Variants in CAMK1D observed in about 807,000 individuals in gnomAD.
The protein encoded by CAMK1D is calcium/calmodulin dependent protein kinase ID, also known as calcium/calmodulin-dependent protein kinase type 1D.
A neutral mutation model predicts 47.7 loss-of-function variants in CAMK1D; 9 were observed. That is an observed-to-expected ratio of 0.19 (90% CI 0.11 to 0.33). The LOEUF (loss-of-function observed/expected upper bound fraction) is 0.33. CAMK1D is among the 10% of genes least tolerant of loss of function. The pLI, the probability that CAMK1D is intolerant of heterozygous loss-of-function variation, is 1.00. For synonymous variants in CAMK1D, 184 were observed against 184.9 expected (o/e 0.99, Z 0.04); for missense variants, 291 against 488.7 (o/e 0.60, Z 3.81).
rs542434085 is a variant in CAMK1D, at chr10:12,746,363, C to CA, written c.300-14569dup. ...TGGGCGACAGAGCAAGACTCCGTCT[C>CA]AAAAAAAAAAAAAAAAGTTAGTGAA... is the stretch of plus-strand genomic sequence containing the variant. On this transcript the variant is annotated intron_variant, in intron 3 of 10. Transcript: ENST00000619168. 3.2e-3 allele frequency among the ~76,000 whole-genome samples: 280 copies of CA among 86,720 alleles called. 9 individuals are homozygous for CA. Among genetic ancestry groups the CA allele is most frequent in the African/African-American group, 5.0e-3 (101 of 20,232 alleles). The allele number at this position is 86,720 out of a possible 152,430, so 56.9% of individuals were successfully genotyped here.
intron 1 of CAMK1D, among the ~76,000 whole-genome samples, chr10:12,504,885 C>T (rs1834823125): frequency 6.6e-6 from 1 of 152,186 alleles, no homozygotes; most frequent in Non-Finnish European, 1.5e-5. Flanking sequence ...CTTTCTTGCC[C>T]CCTATGATGC....
intron 2 of CAMK1D, among the ~76,000 whole-genome samples, chr10:12,570,883 G>A (rs1238164681): frequency 6.6e-6 from 1 of 152,008 alleles, no homozygotes; most frequent in African/African-American, 2.4e-5. Flanking sequence ...ACCCAGAGGC[G>A]GAGGTTGTAG....
intron 1 of CAMK1D, among the ~76,000 whole-genome samples, chr10:12,437,317 A>T (rs1832665189): frequency 6.6e-6 from 1 of 151,860 alleles, no homozygotes; most frequent in African/African-American, 2.4e-5. Flanking sequence ...TCAGTTTCCC[A>T]AGTAGCTGGG....
intron 1 of CAMK1D, among the ~76,000 whole-genome samples, chr10:12,477,049 G>A (rs1192661193): frequency 1.3e-5 from 2 of 152,174 alleles, no homozygotes; most frequent in African/African-American, 2.4e-5. Context: ...TGGACCTGAA[G>A]CTTGAGGGAT....
At chr10:12,633,677 C>G (rs1408202266) in intron 2 of CAMK1D, among the ~76,000 whole-genome samples, 1 of 152,194 alleles carries the variant, frequency 6.6e-6, no homozygotes, top group Non-Finnish European at 1.5e-5. Flanking sequence ...CCACCTCTGC[C>G]TCCCCAGTAG....
chr10:12,782,326 A>G (rs1028531363), intron 5 of CAMK1D, among the ~76,000 whole-genome samples: 3 of 152,330 alleles, frequency 2.0e-5, no homozygotes, highest in Non-Finnish European at 4.4e-5. Context: ...AAATTCTGCT[A>G]CTGACAGGAA....
intron 1 of CAMK1D, among the ~76,000 whole-genome samples, chr10:12,536,862 A>G (rs1835988515): frequency 1.3e-5 from 2 of 152,020 alleles, no homozygotes; most frequent in Admixed American, 1.3e-4. Context: ...TTAAACTGCT[A>G]CAGAGTATTC....
At chr10:12,617,081 A>T (rs1224740083) in intron 2 of CAMK1D, among the ~76,000 whole-genome samples, 1 of 152,178 alleles carries the variant, frequency 6.6e-6, no homozygotes, top group African/African-American at 2.4e-5. Context: ...ACTTCTCGTA[A>T]GCAAGGTGAG....
In CAMK1D at chr10:12,519,399, C is replaced by T. The variant is rs1158651345; in HGVS notation, c.93-33826C>T. Among the ~76,000 whole-genome samples, 57 of 13,892 alleles carry T rather than the reference C, an allele frequency of 4.1e-3. 21 individuals are homozygous for T. Among genetic ancestry groups the T allele is most frequent in the Non-Finnish European group, 7.7e-3 (49 of 6,364 alleles). The allele number at this position is 13,892 out of a possible 152,430, so 9.1% of individuals were successfully genotyped here. On this transcript the variant is annotated intron_variant, in intron 1 of 10. Transcript: ENST00000619168. ...GGACGGGGCGGCTGGCCGACCCCCCCCCCCCCGCCTCCCTCCCGGACGGGG... is the reference window on the plus strand; with the variant it reads ...GGACGGGGCGGCTGGCCGACCCCCCTCCCCCCGCCTCCCTCCCGGACGGGG...
At chr10:12,393,933 A>G (rs1838842039) in intron 1 of CAMK1D, among the ~76,000 whole-genome samples, 1 of 152,102 alleles carries the variant, frequency 6.6e-6, no homozygotes, top group African/African-American at 2.4e-5. Context: ...CCTAGAATTC[A>G]CCTGTGACAC....
At chr10:12,515,945 C>G (rs141289383) in intron 1 of CAMK1D, among the ~76,000 whole-genome samples, 11 of 151,792 alleles carry the variant, frequency 7.2e-5, no homozygotes, top group African/African-American at 2.4e-4. Flanking sequence ...ATACTCTTAA[C>G]AGTATACAGC....
intron 3 of CAMK1D, among the ~76,000 whole-genome samples, chr10:12,689,418 T>C (rs1210153085): frequency 1.3e-5 from 2 of 152,228 alleles, no homozygotes; most frequent in African/African-American, 4.8e-5. Context: ...TTAAAATGCA[T>C]TTGAACAGAA....
At chr10:12,553,444 CG>C in intron 2 of CAMK1D, 88 bp downstream of exon 2, 1 of 1,161,354 alleles carries the variant, frequency 8.6e-7, no homozygotes, top group Non-Finnish European at 1.3e-6. Flanking sequence ...AGACTTTCCC[CG>C]GGGGCAGAGG....
chr10:12,655,056 G>A (rs751909788), intron 2 of CAMK1D, among the ~76,000 whole-genome samples: 10 of 152,148 alleles, frequency 6.6e-5, no homozygotes, highest in African/African-American at 1.4e-4. Flanking sequence ...GGATTAGGCC[G>A]TTCCTGCATT....
At chr10:12,365,910 G>T (rs532599676) in intron 1 of CAMK1D, among the ~76,000 whole-genome samples, 1 of 152,172 alleles carries the variant, frequency 6.6e-6, no homozygotes, top group Non-Finnish European at 1.5e-5. Context: ...AAAAAAATTA[G>T]CTGGGCGTGG....
intron 1 of CAMK1D, among the ~76,000 whole-genome samples, chr10:12,485,056 C>T (rs1040870040): frequency 6.6e-5 from 10 of 152,160 alleles, no homozygotes; most frequent in African/African-American, 2.4e-4. Context: ...AGGAGGCTTT[C>T]GGGAAGGAAA....
intron 1 of CAMK1D, among the ~76,000 whole-genome samples, chr10:12,368,264 C>T (rs1837906563): frequency 6.6e-6 from 1 of 151,972 alleles, no homozygotes; most frequent in Non-Finnish European, 1.5e-5. Flanking sequence ...CCTGTACTCC[C>T]AGCTACTTGG....
chr10:12,560,653 T>C (rs1366821176), intron 2 of CAMK1D, among the ~76,000 whole-genome samples: 1 of 151,984 alleles, frequency 6.6e-6, no homozygotes, highest in Non-Finnish European at 1.5e-5. Context: ...ATGGCTAAGC[T>C]GGTAAAGCTA....
At position 12,771,162 on chromosome 10, in the gene CAMK1D, T is replaced by G. The variant is rs532675942; in HGVS notation, c.565+1363T>G. 2.7e-4 allele frequency among the ~76,000 whole-genome samples: 41 copies of G among 152,288 alleles called. No homozygotes were observed. The East Asian group carries it at 7.3e-3, about 27-fold the overall frequency. ...CCAGGCTGGTCTCAAACTCCTGACCTCAGGTGATCCGCCCACCTCAGCCTC... is the reference window on the plus strand; with the variant it reads ...CCAGGCTGGTCTCAAACTCCTGACCGCAGGTGATCCGCCCACCTCAGCCTC... On this transcript the variant is annotated intron_variant, in intron 5 of 10. Coordinates refer to ENST00000619168, the MANE Select transcript of CAMK1D (RefSeq NM_153498.4).
Sources: allele counts gnomAD v4.1 joint callset (sites outside exome capture counted in the v4.1 genomes callset), GRCh38; gene constraint gnomAD v4.1.1; transcripts MANE v1.5; gene names NCBI Gene and HGNC (gene_info 2026-07-23, HGNC 2026-07-21).